FBXO31: variants seen among roughly 807,000 people sequenced by gnomAD.
The protein encoded by FBXO31 is F-box protein 31.
A neutral mutation model predicts 54.4 loss-of-function variants in FBXO31; 24 were observed. The ratio of observed to expected loss-of-function variants is 0.44; its 90% CI spans 0.32 to 0.62. The LOEUF (loss-of-function observed/expected upper bound fraction) is 0.62. Ranked by LOEUF, FBXO31 falls within the 20% of genes least tolerant of loss-of-function variation. The pLI is 0.05. For missense variants in FBXO31, 665 were observed against 787.1 expected, an observed-to-expected ratio of 0.84 and a Z score of 1.86; for synonymous variants, 388 against 335.6, an observed-to-expected ratio of 1.16 and a Z score of -1.71.
upstream of FBXO31, among the ~76,000 whole-genome samples, chr16:87,390,984 G>T (rs1321475331): frequency 2.6e-5 from 4 of 152,084 alleles, no homozygotes; most frequent in Middle Eastern, 3.4e-3. Flanking sequence ...ATAGAAGAAA[G>T]GCTTTTACAA....
chr16:87,362,403 G>A (rs938872548), intron 1 of FBXO31: 1 of 151,266 alleles, frequency 6.6e-6, no homozygotes, highest in East Asian at 1.9e-4. Flanking sequence ...TATTTATTTA[G>A]AAATGGAGTC....
At chr16:87,360,257 A>G (rs750570438) in intron 2 of FBXO31, 38 bp downstream of exon 2, 1 of 1,584,150 alleles carries the variant, frequency 6.3e-7, no homozygotes, top group Non-Finnish European at 8.7e-7. Flanking sequence ...CTTCTGGTAC[A>G]AAGTTAATCA....
upstream of FBXO31, chr16:87,384,112 G>C (rs1353406418): frequency 2.6e-5 from 4 of 156,412 alleles, no homozygotes; most frequent in African/African-American, 4.8e-5. Context: ...CGACCACTTC[G>C]CGCCGCGGCT....
chr16:87,387,684 A>C (rs1182840689), upstream of FBXO31, among the ~76,000 whole-genome samples: 1 of 152,148 alleles, frequency 6.6e-6, no homozygotes, highest in Non-Finnish European at 1.5e-5. Flanking sequence ...GCGGGCGCCT[A>C]TAGTCCCAGC....
intron 1 of FBXO31, among the ~76,000 whole-genome samples, chr16:87,370,998 C>T (rs1003460780): frequency 1.3e-5 from 2 of 152,170 alleles, no homozygotes; most frequent in East Asian, 1.9e-4. Context: ...AACTGCGGCC[C>T]GGCACTCCCC....
At chr16:87,332,368 G>A (rs948854300) in intron 8 of FBXO31, among the ~76,000 whole-genome samples, 3 of 152,248 alleles carry the variant, frequency 2.0e-5, no homozygotes, top group African/African-American at 7.2e-5. Flanking sequence ...CTGCAGGTTA[G>A]CTGGGGACGG....
intron 1 of FBXO31, among the ~76,000 whole-genome samples, chr16:87,365,995 C>T (rs1365426007): frequency 3.3e-5 from 5 of 152,290 alleles, no homozygotes; most frequent in South Asian, 4.1e-4. Flanking sequence ...CGCCACTGCA[C>T]TCCAGCCTGG....
chr16:87,336,171 A>T lies in FBXO31; in HGVS notation c.826T>A (p.Tyr276Asn). 6.2e-7 allele frequency: 1 copy of T among 1,614,104 alleles called. No homozygotes were observed. Among genetic ancestry groups the T allele is most frequent in the Non-Finnish European group, 8.5e-7 (1 of 1,179,940 alleles). The change falls in exon 6 of 9, where the codon TAC becomes AAC. Residue 276 changes from tyrosine to asparagine, a missense_variant. Tyr to Asn is a moderately radical substitution (Grantham distance 143). Coordinates refer to ENST00000311635, the MANE Select transcript of FBXO31 (RefSeq NM_024735.5). The surrounding 1 kb of genome is among the most constrained non-coding windows in gnomAD (Gnocchi z 6.5). The part of the protein sequence containing the change: ...MQELILMKFI[Y>N]TSQYDNCLTY... ...CGCACTCACTCGTACTGACTGGTGT[A>T]GATGAACTTCATCAGGATGAGCTCC...
intron 8 of FBXO31, among the ~76,000 whole-genome samples, chr16:87,333,020 C>G (rs1209706148): frequency 6.6e-6 from 1 of 152,196 alleles, no homozygotes; most frequent in East Asian, 1.9e-4. Flanking sequence ...GAAACATGGC[C>G]TGGGCGGCTG....
intron 1 of FBXO31, among the ~76,000 whole-genome samples, chr16:87,376,046 A>C (rs530528234): frequency 6.6e-6 from 1 of 152,138 alleles, no homozygotes; most frequent in South Asian, 2.1e-4. Flanking sequence ...ACATATTATA[A>C]ATAACCACCT....
chr16:87,386,666 A>C (rs4843241), upstream of FBXO31, among the ~76,000 whole-genome samples: 1 of 152,136 alleles, frequency 6.6e-6, no homozygotes, highest in Non-Finnish European at 1.5e-5. Flanking sequence ...ATTCCTGACC[A>C]GAGGCGATCC....
intron 2 of FBXO31, among the ~76,000 whole-genome samples, chr16:87,353,819 C>A (rs1293951529): frequency 6.6e-6 from 1 of 152,262 alleles, no homozygotes; most frequent in East Asian, 1.9e-4. Context: ...CCCCGGACAC[C>A]TTGTCTTGAA....
intron 1 of FBXO31, among the ~76,000 whole-genome samples, chr16:87,374,366 A>C (rs1367633765): frequency 1.3e-5 from 2 of 152,184 alleles, no homozygotes; most frequent in African/African-American, 4.8e-5. Flanking sequence ...CAGAAAACTT[A>C]GCCTACAGCT....
rs180834905 is a variant in FBXO31 at position 87,335,516 on chromosome 16, G to T, written c.843-59C>A. ...TCGTGGGGCAGGCAGGACTGAGAACGCCCAAGGTGCCAGGGATGAGCTTTG... is the reference window on the plus strand; with the variant it reads ...TCGTGGGGCAGGCAGGACTGAGAACTCCCAAGGTGCCAGGGATGAGCTTTG... On this transcript the variant is annotated intron_variant, in intron 6 of 8. Transcript: ENST00000311635. The surrounding 1 kb of genome is among the most constrained non-coding windows in gnomAD (Gnocchi z 5.7). The T allele has an allele frequency of 9.3e-7, 1 of 1,069,604 alleles. No individual in the cohort carries two copies. Among genetic ancestry groups the T allele is most frequent in the Non-Finnish European group, 1.3e-6 (1 of 766,856 alleles). 66.3% of individuals were successfully genotyped at this position (1,069,604 alleles called of 1,614,324 possible).
chr16:87,380,949 C>T (rs573469484), intron 1 of FBXO31, among the ~76,000 whole-genome samples: 1 of 152,336 alleles, frequency 6.6e-6, no homozygotes, highest in Admixed American at 6.5e-5. Context: ...ACCTTGTTAT[C>T]CCTCTGCTGA....
At chr16:87,369,636 A>G (rs1384880708) in intron 1 of FBXO31, among the ~76,000 whole-genome samples, 1 of 152,200 alleles carries the variant, frequency 6.6e-6, no homozygotes, top group Non-Finnish European at 1.5e-5. Context: ...CTTCAGACAT[A>G]GGTGTCAAGA....
At chr16:87,357,096 T>C (rs1481152991) in intron 2 of FBXO31, among the ~76,000 whole-genome samples, 1 of 151,814 alleles carries the variant, frequency 6.6e-6, no homozygotes, top group East Asian at 1.9e-4. Context: ...AACTGAAAAA[T>C]TAACCAGGCA....
chr16:87,350,408 G>C (rs905347902), intron 2 of FBXO31, among the ~76,000 whole-genome samples: 2 of 152,182 alleles, frequency 1.3e-5, no homozygotes, highest in Non-Finnish European at 2.9e-5. Context: ...CCCACACACA[G>C]ACACCCCTTT....
rs1214327094 is a variant in FBXO31 at position 87,345,953 on chromosome 16, G to A, written c.489+1221C>T. Among the ~76,000 whole-genome samples the A allele has an allele frequency of 6.6e-6, 1 of 152,230 alleles. No individual in the cohort carries two copies. The highest frequency in any genetic ancestry group is 1.5e-5 in the Non-Finnish European group (1 of 68,048). On this transcript the variant is annotated intron_variant, in intron 3 of 8. Coordinates refer to ENST00000311635, the MANE Select transcript of FBXO31 (RefSeq NM_024735.5). The surrounding 1 kb of genome is among the most constrained non-coding windows in gnomAD (Gnocchi z 4.9). ...GAACACAGCCCCATGCTGCACACAG[G>A]CAGTTGCACGAGGCACCTGCGGAAT...
Sources: allele counts gnomAD v4.1 joint callset (sites outside exome capture counted in the v4.1 genomes callset), GRCh38; gene constraint gnomAD v4.1.1; non-coding constraint Gnocchi (gnomAD v3.1); transcripts MANE v1.5; gene names NCBI Gene and HGNC (gene_info 2026-07-23, HGNC 2026-07-21).